MKNK1: variants seen among roughly 807,000 people sequenced by gnomAD.
MKNK1 encodes the protein MAP kinase-interacting serine/threonine-protein kinase 1.
In MKNK1, 30 loss-of-function variants were observed where a neutral mutation model predicts 49.3. That is an observed-to-expected ratio of 0.61 (90% confidence interval 0.46 to 0.83). The LOEUF (loss-of-function observed/expected upper bound fraction) is 0.83. Ranked by LOEUF, MKNK1 falls within the 40% of genes least tolerant of loss-of-function variation. The pLI, the probability that MKNK1 is intolerant of heterozygous loss-of-function variation, is 0.00. For synonymous variants in MKNK1, 176 were observed against 201.7 expected (o/e 0.87, Z 1.08); for missense variants, 423 against 524.7 (o/e 0.81, Z 1.89).
Position 46,558,411 on chromosome 1 carries a change from G to A in MKNK1, c.*164C>T. On this transcript the variant is annotated 3_prime_UTR_variant, in exon 13 of 13. Transcript: ENST00000371945. ...AAAAGCTTTTTCCTCCAGGACCCTA[G>A]GGAAATGGGGGTTGATGGGAACCTC... is the stretch of plus-strand genomic sequence containing the variant. 1.5e-6 allele frequency: 1 copy of A among 674,646 alleles called. No individual in the cohort carries two copies. The highest frequency in any genetic ancestry group is 3.5e-5 in the Admixed American group (1 of 28,614). 41.8% of individuals were successfully genotyped at this position (674,646 alleles called of 1,614,324 possible).
intron 1 of MKNK1, among the ~76,000 whole-genome samples, chr1:46,602,122 AGAG>A (rs2148788130): frequency 6.6e-6 from 1 of 152,296 alleles, no homozygotes; most frequent in East Asian, 1.9e-4. Context: ...TTTGAGAAAC[AGAG>A]ATTTGGCCGG....
chr1:46,591,770 G>A (rs893515958), intron 2 of MKNK1, among the ~76,000 whole-genome samples: 1 of 152,286 alleles, frequency 6.6e-6, no homozygotes, highest in Admixed American at 6.5e-5. Flanking sequence ...GATCCCACAT[G>A]TGCTTTTCCT....
At chr1:46,572,421 T>C in intron 6 of MKNK1, 1 of 299,354 alleles carries the variant, frequency 3.3e-6, no homozygotes. Context: ...GGTTTCACCA[T>C]GTTGGTCAGG....
chr1:46,562,557 G>T, intron 10 of MKNK1, 92 bp downstream of exon 10: 1 of 1,397,946 alleles, frequency 7.2e-7, no homozygotes, highest in Non-Finnish European at 9.6e-7. Flanking sequence ...ATCCCGATCA[G>T]GAACGCTCTC....
intron 1 of MKNK1, among the ~76,000 whole-genome samples, chr1:46,600,226 T>C (rs1674563781): frequency 6.6e-6 from 1 of 152,252 alleles, no homozygotes; most frequent in Non-Finnish European, 1.5e-5. Context: ...TGTACTTATC[T>C]ATCTTCCCAA....
chr1:46,590,139 G>C (rs952671358), intron 2 of MKNK1, among the ~76,000 whole-genome samples: 3 of 152,168 alleles, frequency 2.0e-5, no homozygotes, highest in Non-Finnish European at 4.4e-5. Flanking sequence ...GCCTTCTCGG[G>C]CATCAGCTAG....
intron 2 of MKNK1, chr1:46,586,141 T>G (rs972297045): frequency 2.8e-6 from 1 of 357,576 alleles, no homozygotes; most frequent in Admixed American, 3.7e-5. Context: ...CACTAGCAGG[T>G]CTGTGGGGCC....
At chr1:46,596,847 T>C (rs1189276249) in intron 1 of MKNK1, among the ~76,000 whole-genome samples, 1 of 152,100 alleles carries the variant, frequency 6.6e-6, no homozygotes, top group African/African-American at 2.4e-5. Context: ...TGAACCACAG[T>C]TGGCCGCAGG....
chr1:46,571,464 C>T, intron 7 of MKNK1: 2 of 361,260 alleles, frequency 5.5e-6, no homozygotes, highest in Non-Finnish European at 1.1e-5. Flanking sequence ...ATCACTGGAG[C>T]CCAGGGAGGT....
intron 2 of MKNK1, among the ~76,000 whole-genome samples, chr1:46,586,974 A>G (rs1437379941): frequency 6.6e-6 from 1 of 152,114 alleles, no homozygotes; most frequent in African/African-American, 2.4e-5. Context: ...TGTCCGGCTA[A>G]TTTTTTGTAC....
In MKNK1 at chr1:46,558,527, G is replaced by C. The variant is rs779785293; in HGVS notation, c.*48C>G. On this transcript the variant is annotated 3_prime_UTR_variant, in exon 13 of 13. Transcript: ENST00000371945. ...ACTTTAGCCACACAGGTTTCCAGGG[G>C]ACAATGCCTGGCCAGGCCTAGGGCC... The C allele has an allele frequency of 2.0e-6, 3 of 1,516,622 alleles. No individual in the cohort carries two copies. The highest frequency in any genetic ancestry group is 1.3e-5 in the South Asian group (1 of 76,036). 93.9% of individuals were successfully genotyped at this position (1,516,622 alleles called of 1,614,324 possible). A position where few individuals can be genotyped will look rare whatever the true frequency, so the allele number is the denominator to read the frequency against.
chr1:46,571,512 C>A, intron 7 of MKNK1: 1 of 432,928 alleles, frequency 2.3e-6, no homozygotes, highest in Non-Finnish European at 4.5e-6. Context: ...CATAGCACTC[C>A]AGCCTAGGTG....
At chr1:46,586,089 C>T (rs1672527141) in intron 2 of MKNK1, 2 of 400,626 alleles carry the variant, frequency 5.0e-6, no homozygotes, top group Non-Finnish European at 9.6e-6. Flanking sequence ...TCGCTAGTTG[C>T]CCATGTGGAG....
Position 46,564,578 on chromosome 1 carries a change from G to A in MKNK1, c.609+463C>T, listed in dbSNP as rs138103463. Among the ~76,000 whole-genome samples, 784 of 141,662 alleles carry A rather than the reference G, an allele frequency of 5.5e-3. 9 individuals are homozygous for A. The highest frequency in any genetic ancestry group is 0.035 in the Admixed American group (466 of 13,160). 92.9% of individuals were successfully genotyped at this position (141,662 alleles called of 152,430 possible). A position where few individuals can be genotyped will look rare whatever the true frequency, so the allele number is the denominator to read the frequency against. On this transcript the variant is annotated intron_variant, in intron 9 of 12. Coordinates refer to ENST00000371945, the MANE Select transcript of MKNK1 (RefSeq NM_001135553.4). ...CGCAACCTCCACCCCTCGGGTTCAA[G>A]CGATTCTCCTGCCTCAGCCTCCCAA... is the stretch of plus-strand genomic sequence containing the variant.
At chr1:46,572,722 A>G (rs1052412393) in intron 6 of MKNK1, among the ~76,000 whole-genome samples, 1 of 152,202 alleles carries the variant, frequency 6.6e-6, no homozygotes, top group Non-Finnish European at 1.5e-5. Context: ...GAGAGAGAAC[A>G]ACTATAAATA....
At position 46,594,624 on chromosome 1, in the gene MKNK1, C is replaced by T. The variant is rs145389559; in HGVS notation, c.-170-344G>A. On this transcript the variant is annotated intron_variant, in intron 1 of 12. Coordinates refer to ENST00000371945, the MANE Select transcript of MKNK1 (RefSeq NM_001135553.4). Reference sequence around the variant, plus strand: ...CAGATTCTGTTTCCATTATGGGATTCCAGACCCAAAAAGATGTAACTGGAC... The same window carrying T: ...CAGATTCTGTTTCCATTATGGGATTTCAGACCCAAAAAGATGTAACTGGAC... Among the ~76,000 whole-genome samples the T allele has an allele frequency of 3.4e-3, 525 of 152,272 alleles. 2 individuals are homozygous for T. The highest frequency in any genetic ancestry group is 5.7e-3 in the Non-Finnish European group (391 of 68,028).
At chr1:46,561,686 G>C (rs1293210962) in intron 10 of MKNK1, 44 bp from the exon 11 acceptor site, 1 of 1,597,982 alleles carries the variant, frequency 6.3e-7, no homozygotes, top group East Asian at 2.2e-5. Context: ...GCCAGGGATG[G>C]GCAGGATGTG....
chr1:46,571,366 A>G, intron 7 of MKNK1: 1 of 266,980 alleles, frequency 3.7e-6, no homozygotes, highest in South Asian at 3.1e-5. Context: ...CAACAGAGGG[A>G]GACCCCATCT....
chr1:46,576,152 A>T, intron 5 of MKNK1: 1 of 186,066 alleles, frequency 5.4e-6, no homozygotes, highest in Non-Finnish European at 1.1e-5. Flanking sequence ...TGGTATCTGC[A>T]CATATGTAAA....
Sources: allele counts gnomAD v4.1 joint callset (sites outside exome capture counted in the v4.1 genomes callset), GRCh38; gene constraint gnomAD v4.1.1; transcripts MANE v1.5; gene names NCBI Gene and HGNC (gene_info 2026-07-23, HGNC 2026-07-21).